Variants in PRAM1 observed in about 807,000 individuals in gnomAD.
The protein encoded by PRAM1 is PML-RARA-regulated adapter molecule 1.
A neutral mutation model predicts 55.3 loss-of-function variants in PRAM1; 41 were observed. The observed-to-expected ratio is 0.74, with a 90% CI of 0.58 to 0.96. The LOEUF is 0.96. Ranked by LOEUF, PRAM1 falls within the 40% of genes least tolerant of loss-of-function variation. The pLI is 0.00. For synonymous variants in PRAM1, 401 were observed against 387.1 expected (o/e 1.04, Z -0.42); for missense variants, 898 against 892.7 (o/e 1.01, Z -0.08).
Position 8,498,587 on chromosome 19 carries a change from G to A in PRAM1, c.1221C>T (p.Ser407=). Residue 407 remains serine (S), a synonymous_variant, in exon 2 of 10, where the codon AGC becomes AGT. Transcript: ENST00000423345. ...VAGFSSRHPL[S]PGFGAAGTPR... The stretch of plus-strand genomic sequence containing the variant: ...GTGTCCCAGCCGCTCCAAACCCAGG[G>A]CTGAGCGGGTGCCGGGAGCTGAAGC... 1 of 1,612,684 alleles carries A rather than the reference G, an allele frequency of 6.2e-7. No homozygotes were observed. Among genetic ancestry groups the A allele is most frequent in the Non-Finnish European group, 8.5e-7 (1 of 1,179,744 alleles).
In PRAM1 at chr19:8,499,171, G is replaced by A; in HGVS notation, c.637C>T (p.Pro213Ser). ...RSPQPELSTF[P>S]KKPAQPEFNV... is the part of the protein sequence containing the mutation. ...AACTCAGGCTGCGCAGGCTTCTTGG[G>A]AAAGGTACTCAACTCAGGCTGCGGG... is the stretch of plus-strand genomic sequence containing the variant. Residue 213 changes from proline (P) to serine (S), a missense_variant, in exon 2 of 10, where the codon CCC becomes TCC. By Grantham distance (74) the Pro-to-Ser change is moderately conservative (BLOSUM62 -1). Transcript: ENST00000423345. 6.2e-7 allele frequency: 1 copy of A among 1,613,790 alleles called. No homozygotes were observed. Among genetic ancestry groups the A allele is most frequent in the Non-Finnish European group, 8.5e-7 (1 of 1,179,828 alleles).
At position 8,490,678 on chromosome 19, in the gene PRAM1, G is replaced by T; in HGVS notation, c.1822C>A (p.Leu608Ile). The T allele has an allele frequency of 6.2e-7, 1 of 1,602,366 alleles. No homozygotes were observed. Among genetic ancestry groups the T allele is most frequent in the Non-Finnish European group, 8.5e-7 (1 of 1,174,596 alleles). ...AGGATCTCCCCGCGCCGGATCCCGA[G>T]GTGCTTGCCACCCCCGCGACGTGTC... ...AKTRRGGGKH[L>I]GIRRGEILEV... The change falls in exon 7 of 10, where the codon CTC becomes ATC. Residue 608 changes from leucine (L) to isoleucine (I), a missense_variant. Transcript: ENST00000423345. The surrounding 1 kb of genome is among the most constrained non-coding windows in gnomAD (Gnocchi z 7.3).
Position 8,490,415 on chromosome 19 carries a change from T to C in PRAM1, c.1941-43A>G, listed in dbSNP as rs1304440524. The C allele has an allele frequency of 6.2e-7, 1 of 1,613,546 alleles. No individual in the cohort carries two copies. Among genetic ancestry groups the C allele is most frequent in the Non-Finnish European group, 8.5e-7 (1 of 1,179,784 alleles). ...GGTCAGCAAGGGGCACCGTGGCCCATTCCCCCCACCCTGCACCACACACCC... is the reference window on the plus strand; with the variant it reads ...GGTCAGCAAGGGGCACCGTGGCCCACTCCCCCCACCCTGCACCACACACCC... On this transcript the variant is annotated intron_variant, in intron 8 of 9. Transcript: ENST00000423345. This position sits in a 1 kb window ranked among gnomAD's most constrained non-coding sequence, Gnocchi z 7.3.
chr19:8,490,566 C>T lies in PRAM1; in HGVS notation c.1906+28G>A, dbSNP rs1971603895. The T allele has an allele frequency of 1.1e-5, 18 of 1,595,758 alleles. No individual in the cohort carries two copies. Among genetic ancestry groups the T allele is most frequent in the Non-Finnish European group, 1.5e-5 (17 of 1,171,576 alleles). ...GGCCCAGGGTGGCGGCGGGGACCTC[C>T]CGGGGCTGCGGGGCCGGGCGCACTC... On this transcript the variant is annotated intron_variant, in intron 7 of 9. Coordinates refer to ENST00000423345, the MANE Select transcript of PRAM1 (RefSeq NM_032152.5). The surrounding 1 kb of genome is among the most constrained non-coding windows in gnomAD (Gnocchi z 7.3).
intron 4 of PRAM1, among the ~76,000 whole-genome samples, chr19:8,497,549 C>T (rs1269399510): frequency 6.6e-6 from 1 of 152,126 alleles, no homozygotes; most frequent in East Asian, 1.9e-4. Flanking sequence ...ACTGAATTCA[C>T]CCACTGCTCC....
In PRAM1 at chr19:8,493,845, T is replaced by C. The variant is rs1353604534; in HGVS notation, c.1577-2688A>G. On this transcript the variant is annotated intron_variant, in intron 4 of 9. Coordinates refer to ENST00000423345, the MANE Select transcript of PRAM1 (RefSeq NM_032152.5). The surrounding 1 kb of genome is among the most constrained non-coding windows in gnomAD (Gnocchi z 4.1). ...CAGGGTCTCGTTCTGTTGCCCAGGC[T>C]GGAGTGCAGAGGTGCAATCTCGGCT... Among the ~76,000 whole-genome samples, 2 of 152,090 alleles carry C rather than the reference T, an allele frequency of 1.3e-5. No individual in the cohort carries two copies. Among genetic ancestry groups the C allele is most frequent in the Non-Finnish European group, 2.9e-5 (2 of 68,000 alleles).
chr19:8,497,622 C>T (rs995109969), intron 4 of PRAM1, 142 bp downstream of exon 4: 7 of 622,462 alleles, frequency 1.1e-5, no homozygotes, highest in Middle Eastern at 2.6e-4. Flanking sequence ...ACTGGTCCTT[C>T]GCCTCTGGGC....
chr19:8,499,421 C>T lies in PRAM1; in HGVS notation c.387G>A (p.Lys129=). ...PSKLELSDLS[K]KFPQLGATPF... is the part of the protein sequence containing the mutation. ...GAGTGGCCCCCAGCTGTGGGAACTT[C>T]TTGGAGAGGTCACTCAACTCCAGTT... Residue 129 remains lysine (K), a synonymous_variant, in exon 2 of 10, where the codon AAG becomes AAA. Coordinates refer to ENST00000423345, the MANE Select transcript of PRAM1 (RefSeq NM_032152.5). The T allele has an allele frequency of 1.2e-6, 2 of 1,612,560 alleles. No homozygotes were observed. Among genetic ancestry groups the T allele is most frequent in the Non-Finnish European group, 1.7e-6 (2 of 1,179,862 alleles).
chr19:8,490,718 G>C lies in PRAM1; in HGVS notation c.1782C>G (p.Ile594Met). The C allele has an allele frequency of 6.2e-7, 1 of 1,611,332 alleles. No individual in the cohort carries two copies. The highest frequency in any genetic ancestry group is 8.5e-7 in the Non-Finnish European group (1 of 1,179,490). Residue 594 changes from isoleucine to methionine, a missense_variant, in exon 7 of 10, where the codon ATC (isoleucine) becomes ATG (methionine). By Grantham distance (10) the Ile-to-Met change is conservative. This residue lies in a region of PRAM1 where 787 missense variants were observed against 735.4 expected (regional missense o/e 1.07). Coordinates refer to ENST00000423345, the MANE Select transcript of PRAM1 (RefSeq NM_032152.5). The surrounding 1 kb of genome is among the most constrained non-coding windows in gnomAD (Gnocchi z 7.3). Reference sequence around the variant, plus strand: ...CGCGACGTGTCTTAGCGTTGGGGTCGATCATCATCTTCGTGTGAACCACGA... The same window carrying C: ...CGCGACGTGTCTTAGCGTTGGGGTCCATCATCATCTTCGTGTGAACCACGA... ...GEIVVHTKMM[I>M]DPNAKTRRGG...
rs371089353 is a variant in PRAM1 at position 8,493,793 on chromosome 19, C to CT, written c.1577-2637dup. 2.2e-4 allele frequency among the ~76,000 whole-genome samples: 33 copies of CT among 147,274 alleles called. No homozygotes were observed. Among genetic ancestry groups the CT allele is most frequent in the African/African-American group, 3.7e-4 (15 of 40,290 alleles). ...AGCGGGAGATCCAGGGAAGTGGGAC[C>CT]TTTTTTTTTTTCTTTTTTTCTTGAG... On this transcript the variant is annotated intron_variant, in intron 4 of 9. Transcript: ENST00000423345. This position sits in a 1 kb window ranked among gnomAD's most constrained non-coding sequence, Gnocchi z 4.1.
At position 8,497,870 on chromosome 19, in the gene PRAM1, C is replaced by CTTTTT. The variant is rs58671333; in HGVS notation, c.1500-35_1500-31dup. On this transcript the variant is annotated intron_variant, in intron 3 of 9. Transcript: ENST00000423345. ...GGGGATACCTGAGATGAGGCCTCTT[C>CTTTTT]TTTTTTTTTTTTTTTTTTTTTTTTT... The CTTTTT allele has an allele frequency of 5.2e-3, 1,857 of 357,974 alleles. 1 individual carries two copies. The highest frequency in any genetic ancestry group is 0.012 in the South Asian group (346 of 27,946). The allele number at this position is 357,974 out of a possible 1,614,324, so 22.2% of individuals were successfully genotyped here.
intron 1 of PRAM1, among the ~76,000 whole-genome samples, chr19:8,502,301 G>C (rs1331014877): frequency 1.3e-5 from 2 of 152,108 alleles, no homozygotes; most frequent in Non-Finnish European, 2.9e-5. Flanking sequence ...GGGGAGACGG[G>C]AGTTGTCCCC....
rs35685863 is a variant in PRAM1, at chr19:8,498,210, T to TC, written c.1499+12dup. The TC allele has an allele frequency of 6.2e-7, 1 of 1,610,382 alleles. No homozygotes were observed. The highest frequency in any genetic ancestry group is 2.2e-5 in the East Asian group (1 of 44,854). ...ACAATCCGCACCCACCTCCGCTTCC[T>TC]CCCCACACTCACTGCGGGATGTCTT... On this transcript the variant is annotated intron_variant, in intron 3 of 9. Transcript: ENST00000423345.
In PRAM1 at chr19:8,498,775, G is replaced by C; in HGVS notation, c.1033C>G (p.Leu345Val). ...GGCCCCCGGCGCTCCGGCTGCAGCA[G>C]CTTCCTGGGGAGTGAGTTGAACTCG... ...EPEFNSLPRK[L>V]LQPERRGPPR... The change falls in exon 2 of 10, where the codon CTG (leucine) becomes GTG (valine). Residue 345 changes from leucine (L) to valine (V), a missense_variant. Leu to Val is a conservative substitution (Grantham distance 32). Coordinates refer to ENST00000423345, the MANE Select transcript of PRAM1 (RefSeq NM_032152.5). 6.4e-7 allele frequency: 1 copy of C among 1,574,744 alleles called. No individual in the cohort carries two copies. Among genetic ancestry groups the C allele is most frequent in the Non-Finnish European group, 8.6e-7 (1 of 1,160,844 alleles).
chr19:8,490,501 CGTA>C lies in PRAM1; in HGVS notation c.1912_1914del (p.Tyr638del). ...AGGGGCAGGAGCGCTGTTCTGGGCA[CGTA>C]GCCATCTGTGGAGAGAGTGGGCATG... On this transcript the variant is annotated inframe_deletion, in exon 8 of 10. Coordinates refer to ENST00000423345, the MANE Select transcript of PRAM1 (RefSeq NM_032152.5). The surrounding 1 kb of genome is among the most constrained non-coding windows in gnomAD (Gnocchi z 7.3). The C allele has an allele frequency of 6.2e-7, 1 of 1,611,896 alleles. No individual in the cohort carries two copies. The highest frequency in any genetic ancestry group is 8.5e-7 in the Non-Finnish European group (1 of 1,179,154).
intron 4 of PRAM1, among the ~76,000 whole-genome samples, chr19:8,496,775 C>T (rs187253613): frequency 2.1e-3 from 316 of 151,812 alleles, no homozygotes; most frequent in Non-Finnish European, 2.7e-3. Context: ...TGGTGGCTCA[C>T]GCCTGTAATC....
chr19:8,490,572 C>T lies in PRAM1; in HGVS notation c.1906+22G>A, dbSNP rs1387883622. The stretch of plus-strand genomic sequence containing the variant: ...GGGTGGCGGCGGGGACCTCCCGGGG[C>T]TGCGGGGCCGGGCGCACTCACATTT... On this transcript the variant is annotated intron_variant, in intron 7 of 9. Transcript: ENST00000423345. The surrounding 1 kb of genome is among the most constrained non-coding windows in gnomAD (Gnocchi z 7.3). 20 of 1,592,726 alleles carry T rather than the reference C, an allele frequency of 1.3e-5. No homozygotes were observed. The highest frequency in any genetic ancestry group is 1.6e-5 in the Non-Finnish European group (19 of 1,170,054).
At position 8,490,451 on chromosome 19, in the gene PRAM1, C is replaced by T. The variant is rs909694022; in HGVS notation, c.1940+25G>A. On this transcript the variant is annotated intron_variant, in intron 8 of 9. Transcript: ENST00000423345. The surrounding 1 kb of genome is among the most constrained non-coding windows in gnomAD (Gnocchi z 7.3). ...CTGCACCACACACCCCGCACTCCCCCACCACGGTCAGGGCTGGCACTCACA... is the reference window on the plus strand; with the variant it reads ...CTGCACCACACACCCCGCACTCCCCTACCACGGTCAGGGCTGGCACTCACA... 1.2e-6 allele frequency: 2 copies of T among 1,613,174 alleles called. No homozygotes were observed. The highest frequency in any genetic ancestry group is 8.5e-7 in the Non-Finnish European group (1 of 1,179,612).
intron 4 of PRAM1, chr19:8,496,248 T>C (rs184092908): frequency 2.1e-3 from 757 of 352,162 alleles, no homozygotes; most frequent in Non-Finnish European, 3.4e-3. Context: ...ACCCCAGCTC[T>C]ACTAAAAATA....
Sources: allele counts gnomAD v4.1 joint callset (sites outside exome capture counted in the v4.1 genomes callset), GRCh38; gene constraint gnomAD v4.1.1; regional missense constraint gnomAD v4.1.1; non-coding constraint Gnocchi (gnomAD v3.1); transcripts MANE v1.5; gene names NCBI Gene and HGNC (gene_info 2026-07-23, HGNC 2026-07-21).